The following ADD3 variants were observed in gnomAD, a reference collection of about 807,000 sequenced individuals.
ADD3 encodes gamma-adducin.
A neutral mutation model predicts 80.2 loss-of-function variants in ADD3; 25 were observed. The ratio of observed to expected loss-of-function variants is 0.31; its 90% CI spans 0.23 to 0.44. The LOEUF (loss-of-function observed/expected upper bound fraction) is 0.44. ADD3 is among the 20% of genes least tolerant of loss of function. The pLI, the probability that ADD3 is intolerant of heterozygous loss-of-function variation, is 1.00. For synonymous variants in ADD3, 284 were observed against 289.6 expected (o/e 0.98, Z 0.20); for missense variants, 829 against 847.5 (o/e 0.98, Z 0.27).
chr10:110,128,214 T>G (rs1852440131), intron 12 of ADD3, among the ~76,000 whole-genome samples: 1 of 151,886 alleles, frequency 6.6e-6, no homozygotes, highest in African/African-American at 2.4e-5. Flanking sequence ...TTTTTAAAAG[T>G]GTTTCTTCAA....
chr10:110,076,227 T>TA (rs1845359824), intron 1 of ADD3, among the ~76,000 whole-genome samples: 1 of 152,184 alleles, frequency 6.6e-6, no homozygotes, highest in Non-Finnish European at 1.5e-5. Flanking sequence ...ACAGTATTGG[T>TA]TAAAATCACT....
chr10:110,014,179 C>T (rs1165583821), intron 1 of ADD3, among the ~76,000 whole-genome samples: 1 of 152,212 alleles, frequency 6.6e-6, no homozygotes, highest in Admixed American at 6.5e-5. Context: ...CTTCTAAGAA[C>T]ACTCCACTTT....
intron 12 of ADD3, among the ~76,000 whole-genome samples, chr10:110,127,452 A>G (rs1031664592): frequency 6.6e-6 from 1 of 152,142 alleles, no homozygotes; most frequent in Non-Finnish European, 1.5e-5. Flanking sequence ...CCCCATCTCT[A>G]CTGAAAATAC....
chr10:110,112,537 TTATAA>T (rs1850180121), intron 2 of ADD3, among the ~76,000 whole-genome samples: 1 of 152,232 alleles, frequency 6.6e-6, no homozygotes. Context: ...AGTGTAGATA[TTATAA>T]TATCTCATTT....
intron 1 of ADD3, among the ~76,000 whole-genome samples, chr10:110,047,512 C>A (rs184882074): frequency 1.5e-3 from 236 of 152,296 alleles, no homozygotes; most frequent in African/African-American, 5.4e-3. Flanking sequence ...TAAATCAGAA[C>A]CTCTGTAGGT....
rs1853351868 is a variant in ADD3 at position 110,133,632 on chromosome 10, A to G, written c.*14A>G. Reference sequence around the variant, plus strand: ...GTTGAGGCCTAAATAAAGTCTTTTTATAATTATTATTATAACAATGTGACA... The same window carrying G: ...GTTGAGGCCTAAATAAAGTCTTTTTGTAATTATTATTATAACAATGTGACA... On this transcript the variant is annotated 3_prime_UTR_variant, in exon 15 of 15. Coordinates refer to ENST00000356080, the MANE Select transcript of ADD3 (RefSeq NM_016824.5). The G allele has an allele frequency of 6.5e-6, 10 of 1,537,750 alleles. No individual in the cohort carries two copies. Among genetic ancestry groups the G allele is most frequent in the Non-Finnish European group, 8.7e-6 (10 of 1,145,584 alleles).
Position 110,110,694 on chromosome 10 carries a change from AT to A in ADD3, c.196-2071del, listed in dbSNP as rs112948166. ...CCTTATCACCATGAGCTCGTATGCCATTTTTTTTTTTTAAAGTTCCTGGCTG... is the reference window on the plus strand; with the variant it reads ...CCTTATCACCATGAGCTCGTATGCCATTTTTTTTTTTAAAGTTCCTGGCTG... On this transcript the variant is annotated intron_variant, in intron 2 of 14. Transcript: ENST00000356080. 2.5e-3 allele frequency among the ~76,000 whole-genome samples: 362 copies of A among 144,826 alleles called. 1 individual carries two copies. The highest frequency in any genetic ancestry group is 0.013 in the Admixed American group (194 of 14,514).
At chr10:110,102,637 A>G (rs1350097989) in intron 2 of ADD3, among the ~76,000 whole-genome samples, 1 of 152,170 alleles carries the variant, frequency 6.6e-6, no homozygotes, top group East Asian at 1.9e-4. Flanking sequence ...TTATCAACCA[A>G]ATGATTGTAG....
intron 1 of ADD3, among the ~76,000 whole-genome samples, chr10:110,035,743 A>C (rs968613658): frequency 1.3e-5 from 2 of 152,198 alleles, no homozygotes; most frequent in Non-Finnish European, 2.9e-5. Context: ...GGTAATTTGC[A>C]TTCTCACACG....
intron 1 of ADD3, among the ~76,000 whole-genome samples, chr10:110,057,152 C>T (rs180759313): frequency 8.3e-4 from 127 of 152,222 alleles, no homozygotes; most frequent in Middle Eastern, 6.8e-3. Context: ...ACCCCCAATT[C>T]TCCCCATATC....
chr10:110,075,535 A>T (rs1299491450), intron 1 of ADD3: 2 of 152,164 alleles, frequency 1.3e-5, no homozygotes, highest in Non-Finnish European at 2.9e-5. Flanking sequence ...TCTTCCATGC[A>T]CAAACAGCTG....
At chr10:110,016,520 A>G (rs188055584) in intron 1 of ADD3, 12 of 152,366 alleles carry the variant, frequency 7.9e-5, no homozygotes, top group East Asian at 1.9e-4. Flanking sequence ...CAGTCTTTCA[A>G]TAGCAGGTCT....
chr10:110,107,679 T>A (rs1849546436), intron 2 of ADD3, among the ~76,000 whole-genome samples: 1 of 152,146 alleles, frequency 6.6e-6, no homozygotes, highest in Non-Finnish European at 1.5e-5. Context: ...CGAAGCTCGT[T>A]TAACTTGAGC....
rs917421073 is a variant in ADD3, at chr10:110,065,290, T to C, written c.-29-35335T>C. On this transcript the variant is annotated intron_variant, in intron 1 of 14. Transcript: ENST00000356080. Reference sequence around the variant, plus strand: ...AATTTGAATATATTTCTTTGTCTCATTGCTTTTATTTAGTCTTCTTTTGAA... The same window carrying C: ...AATTTGAATATATTTCTTTGTCTCACTGCTTTTATTTAGTCTTCTTTTGAA... 2.6e-5 allele frequency among the ~76,000 whole-genome samples: 4 copies of C among 152,212 alleles called. No individual in the cohort carries two copies. In the South Asian group the frequency reaches 8.3e-4, roughly 32 times the overall value.
intron 1 of ADD3, among the ~76,000 whole-genome samples, chr10:110,094,580 T>G (rs1847938602): frequency 6.6e-6 from 1 of 152,232 alleles, no homozygotes; most frequent in Non-Finnish European, 1.5e-5. Context: ...TCTCCCATTT[T>G]TCTTCATTTT....
At chr10:110,114,964 A>G (rs1850524386) in intron 3 of ADD3, among the ~76,000 whole-genome samples, 1 of 151,850 alleles carries the variant, frequency 6.6e-6, no homozygotes, top group Non-Finnish European at 1.5e-5. Flanking sequence ...CTGTAGTCCT[A>G]GCTACTCAGG....
intron 1 of ADD3, among the ~76,000 whole-genome samples, chr10:110,098,198 G>A (rs548800882): frequency 6.6e-6 from 1 of 152,248 alleles, no homozygotes; most frequent in African/African-American, 2.4e-5. Flanking sequence ...CTGTAGTTCT[G>A]CTTTGAAATG....
chr10:110,008,884 C>A (rs898750508), intron 1 of ADD3, among the ~76,000 whole-genome samples: 12 of 152,152 alleles, frequency 7.9e-5, no homozygotes, highest in African/African-American at 2.9e-4. Flanking sequence ...CCCCTACAAA[C>A]GTATACATGT....
At chr10:110,094,768 G>T (rs1847960574) in intron 1 of ADD3, among the ~76,000 whole-genome samples, 1 of 152,142 alleles carries the variant, frequency 6.6e-6, no homozygotes, top group Admixed American at 6.6e-5. Flanking sequence ...TTGTTTTCTA[G>T]AACTTCAAAT....
Sources: allele counts gnomAD v4.1 joint callset (sites outside exome capture counted in the v4.1 genomes callset), GRCh38; gene constraint gnomAD v4.1.1; transcripts MANE v1.5; gene names NCBI Gene and HGNC (gene_info 2026-07-23, HGNC 2026-07-21).